Variants in SFI1 observed in about 807,000 individuals in gnomAD.
SFI1 encodes the protein SFI1 centrin binding protein, also known as protein SFI1 homolog.
SFI1 carries 195 observed loss-of-function variants against 207.5 expected under a neutral mutation model. The observed-to-expected ratio is 0.94, with a 90% CI of 0.84 to 1.06. The LOEUF (loss-of-function observed/expected upper bound fraction) is 1.06, where lower values mean the gene tolerates loss of function less well. Ranked by LOEUF, SFI1 falls within the 50% of genes least tolerant of loss-of-function variation. SFI1 has a pLI of 0.00. For synonymous variants in SFI1, 630 were observed against 598.9 expected (o/e 1.05, Z -0.76); for missense variants, 1,634 against 1,588.0 (o/e 1.03, Z -0.49).
chr22:31,587,861 A>G (rs1476460540), intron 14 of SFI1: 1 of 152,244 alleles, frequency 6.6e-6, no homozygotes, highest in African/African-American at 2.4e-5. Context: ...TAGGAAGTAT[A>G]AAAAGATATA....
chr22:31,600,610 C>T (rs147772227), intron 15 of SFI1, among the ~76,000 whole-genome samples: 1,638 of 152,246 alleles, frequency 0.011, 8 homozygotes, highest in Middle Eastern at 0.031. Context: ...GTACCCTGAC[C>T]CCAAATTCCA....
chr22:31,545,877 C>CTTTTTT (rs770151262), intron 4 of SFI1, among the ~76,000 whole-genome samples: 2 of 99,496 alleles, frequency 2.0e-5, no homozygotes, highest in East Asian at 2.9e-4. Flanking sequence ...CCGTGTCCAG[C>CTTTTTT]TTTTTTTTTT....
Position 31,574,283 on chromosome 22 carries a change from C to T in SFI1, c.923-948C>T, listed in dbSNP as rs532927180. ...TTGGAGGATAGTGACCCCAGACCAA[C>T]AGTCCAGTTGCCCAGTCCTGGAATG... On this transcript the variant is annotated intron_variant, in intron 9 of 32. Transcript: ENST00000400288. Among the ~76,000 whole-genome samples the T allele has an allele frequency of 4.6e-5, 7 of 152,328 alleles. No homozygotes were observed. The South Asian group carries it at 1.0e-3, about 23-fold the overall frequency.
At chr22:31,527,349 C>T (rs923272459) in intron 2 of SFI1, among the ~76,000 whole-genome samples, 2 of 152,160 alleles carry the variant, frequency 1.3e-5, no homozygotes, top group Admixed American at 6.6e-5. Flanking sequence ...TTAGCATATA[C>T]AGCTGTGTGT....
At chr22:31,601,993 A>G (rs921749590) in intron 15 of SFI1, among the ~76,000 whole-genome samples, 9 of 148,500 alleles carry the variant, frequency 6.1e-5, no homozygotes, top group Admixed American at 1.3e-4. Context: ...GAGTTTTGCT[A>G]TGTTGCCCAG....
At chr22:31,557,212 T>C (rs2061253922) in intron 7 of SFI1, among the ~76,000 whole-genome samples, 153 bp downstream of exon 7, 1 of 152,194 alleles carries the variant, frequency 6.6e-6, no homozygotes, top group South Asian at 2.1e-4. Context: ...AGGGTCTTAC[T>C]CTGTCACCCA....
chr22:31,505,334 G>A (rs1241734867), intron 1 of SFI1, among the ~76,000 whole-genome samples: 1 of 152,098 alleles, frequency 6.6e-6, no homozygotes, highest in East Asian at 1.9e-4. Flanking sequence ...AGCTACATGG[G>A]AGGCTGAAGC....
At chr22:31,613,039 G>A (rs1023527345) in intron 24 of SFI1, 103 bp from the exon 25 acceptor site, 10 of 1,266,684 alleles carry the variant, frequency 7.9e-6, no homozygotes, top group East Asian at 2.5e-5. Context: ...TGGGAGCCTC[G>A]ACTAGAGAGG....
intron 4 of SFI1, among the ~76,000 whole-genome samples, chr22:31,534,806 C>G (rs1234827531): frequency 6.7e-6 from 1 of 149,468 alleles, no homozygotes; most frequent in South Asian, 2.1e-4. Context: ...GACAAATCTT[C>G]TGGCATACTT....
At chr22:31,580,734 G>A (rs1212307818) in intron 12 of SFI1, among the ~76,000 whole-genome samples, 1 of 151,792 alleles carries the variant, frequency 6.6e-6, no homozygotes, top group Non-Finnish European at 1.5e-5. Context: ...GTAGAGACGA[G>A]GTTTCACCAT....
chr22:31,605,081 G>T, intron 20 of SFI1, 136 bp downstream of exon 20: 1 of 727,308 alleles, frequency 1.4e-6, no homozygotes, highest in Non-Finnish European at 2.2e-6. Context: ...TCATGGTCTT[G>T]GCTTTTCCAC....
intron 1 of SFI1, among the ~76,000 whole-genome samples, chr22:31,505,303 G>A (rs1446185690): frequency 6.6e-6 from 1 of 152,036 alleles, no homozygotes; most frequent in African/African-American, 2.4e-5. Flanking sequence ...GCCAGTTGTG[G>A]TGGTGCATTC....
chr22:31,570,855 A>G (rs906405258), intron 8 of SFI1, among the ~76,000 whole-genome samples: 6 of 152,192 alleles, frequency 3.9e-5, no homozygotes, highest in Non-Finnish European at 7.3e-5. Context: ...AACAGGAACA[A>G]AGCAGGGACA....
At chr22:31,573,733 C>A (rs1005003128) in intron 9 of SFI1, among the ~76,000 whole-genome samples, 1 of 152,148 alleles carries the variant, frequency 6.6e-6, no homozygotes, top group Non-Finnish European at 1.5e-5. Context: ...CCACTGTTTC[C>A]GGCCTCTTCT....
chr22:31,601,291 T>A (rs1390742606), intron 15 of SFI1, among the ~76,000 whole-genome samples: 1 of 151,944 alleles, frequency 6.6e-6, no homozygotes, highest in Non-Finnish European at 1.5e-5. Context: ...GCCCAGCTAA[T>A]TTTTTATATT....
chr22:31,595,547 G>A (rs1192287871), intron 15 of SFI1, among the ~76,000 whole-genome samples: 1 of 152,218 alleles, frequency 6.6e-6, no homozygotes, highest in Non-Finnish European at 1.5e-5. Context: ...TCTTGATCAA[G>A]AGGAAGATCT....
At chr22:31,519,748 A>G (rs756715217) in intron 2 of SFI1, among the ~76,000 whole-genome samples, 8 of 150,100 alleles carry the variant, frequency 5.3e-5, no homozygotes, top group African/African-American at 9.8e-5. Flanking sequence ...TAATTTTTTA[A>G]TTTTTTGTAG....
intron 6 of SFI1, 61 bp downstream of exon 6, chr22:31,550,409 G>A: frequency 1.5e-6 from 2 of 1,315,294 alleles, no homozygotes; most frequent in South Asian, 1.2e-5. Context: ...GAAGGTCATA[G>A]GAAGGACAAA....
chr22:31,556,750 G>A (rs547932645), intron 6 of SFI1, among the ~76,000 whole-genome samples, 192 bp from the exon 7 acceptor site: 2 of 152,278 alleles, frequency 1.3e-5, no homozygotes, highest in South Asian at 2.1e-4. Flanking sequence ...TGTAAATGTC[G>A]TTACTTGCAC....
Sources: allele counts gnomAD v4.1 joint callset (sites outside exome capture counted in the v4.1 genomes callset), GRCh38; gene constraint gnomAD v4.1.1; transcripts MANE v1.5; gene names NCBI Gene and HGNC (gene_info 2026-07-23, HGNC 2026-07-21).